DCLK1: variants seen among roughly 807,000 people sequenced by gnomAD.
DCLK1 encodes serine/threonine-protein kinase DCLK1.
Under a neutral mutation model 86.2 loss-of-function variants are expected in DCLK1, and 16 were observed. That is an observed-to-expected ratio of 0.19 (90% CI 0.13 to 0.28). DCLK1 has a LOEUF of 0.28. Among genes scored for constraint, DCLK1 ranks in the 10% least tolerant of loss-of-function variants. DCLK1 has a pLI of 1.00. For synonymous variants in DCLK1, 369 were observed against 370.5 expected (o/e 1.00, Z 0.05); for missense variants, 590 against 940.2 (o/e 0.63, Z 4.87).
At chr13:36,092,844 CCAAT>C (rs952079913) in intron 3 of DCLK1, among the ~76,000 whole-genome samples, 3 of 152,098 alleles carry the variant, frequency 2.0e-5, no homozygotes. Flanking sequence ...CTTCCCATAT[CCAAT>C]CAGTTACTAA....
chr13:35,818,956 TTACA>T (rs1306395204), intron 11 of DCLK1, among the ~76,000 whole-genome samples: 1 of 152,072 alleles, frequency 6.6e-6, no homozygotes, highest in Non-Finnish European at 1.5e-5. Context: ...TCAGTGAAGT[TTACA>T]CTGAGGCCAG....
rs151162537 is a variant in DCLK1 at position 35,931,960 on chromosome 13, C to A, written c.823+15398G>T. Among the ~76,000 whole-genome samples the A allele has an allele frequency of 9.9e-4, 151 of 152,236 alleles. 1 individual carries two copies. Among genetic ancestry groups the A allele is most frequent in the African/African-American group, 3.3e-3 (137 of 41,538 alleles). On this transcript the variant is annotated intron_variant, in intron 4 of 16. Transcript: ENST00000360631. The stretch of plus-strand genomic sequence containing the variant: ...TCAGTTTTAATTCCAACTCTGTTAC[C>A]CACTGGGTATGTAACTGTGATGGTT...
At chr13:35,844,245 T>C (rs1031777795) in intron 6 of DCLK1, among the ~76,000 whole-genome samples, 1 of 152,204 alleles carries the variant, frequency 6.6e-6, no homozygotes, top group Admixed American at 6.5e-5. Flanking sequence ...ATTTGGATAA[T>C]TTTTTCAAAA....
intron 3 of DCLK1, among the ~76,000 whole-genome samples, chr13:36,007,510 A>G (rs1881032162): frequency 6.6e-6 from 1 of 152,206 alleles, no homozygotes; most frequent in Non-Finnish European, 1.5e-5. Flanking sequence ...TGGGGTTGTG[A>G]GTAGAGATGA....
In DCLK1 at chr13:36,023,402, A is replaced by G. The variant is rs543364598; in HGVS notation, c.724-75945T>C. Among the ~76,000 whole-genome samples the G allele has an allele frequency of 1.1e-4, 16 of 152,284 alleles. No individual in the cohort carries two copies. The South Asian group carries it at 3.3e-3, about 32-fold the overall frequency. On this transcript the variant is annotated intron_variant, in intron 3 of 16. Transcript: ENST00000360631. ...TCCAAAGACCAGCAGAAAGAGACCC[A>G]GTATAGCCAACAGTGCAGATGAAGT...
At chr13:35,793,264 G>T (rs941505759) in intron 16 of DCLK1, 102 bp downstream of exon 16, 3 of 804,436 alleles carry the variant, frequency 3.7e-6, no homozygotes, top group Non-Finnish European at 5.9e-6. Flanking sequence ...CTAAAGAAAT[G>T]ACCCATTCTG....
chr13:36,076,726 G>A (rs768798004), intron 3 of DCLK1, among the ~76,000 whole-genome samples: 18 of 152,222 alleles, frequency 1.2e-4, no homozygotes, highest in Admixed American at 2.6e-4. Context: ...GATTGCACCC[G>A]CCACCTAGTA....
intron 15 of DCLK1, among the ~76,000 whole-genome samples, chr13:35,799,832 T>G (rs1206431580): frequency 6.6e-6 from 1 of 152,166 alleles, no homozygotes; most frequent in Non-Finnish European, 1.5e-5. Context: ...GTGGGGAAAG[T>G]GACTCAACCC....
intron 3 of DCLK1, among the ~76,000 whole-genome samples, chr13:36,021,984 T>A (rs1295210506): frequency 6.6e-6 from 1 of 152,018 alleles, no homozygotes; most frequent in African/African-American, 2.4e-5. Flanking sequence ...TTCTCCAGGA[T>A]AAACCATGTA....
intron 6 of DCLK1, chr13:35,848,625 T>A: frequency 1.0e-6 from 1 of 985,308 alleles, no homozygotes; most frequent in Non-Finnish European, 1.2e-6. Context: ...ATTGGCAATA[T>A]CTACCACTTA....
chr13:35,818,997 T>C (rs967296674), intron 11 of DCLK1, among the ~76,000 whole-genome samples: 8 of 152,046 alleles, frequency 5.3e-5, no homozygotes, highest in Non-Finnish European at 1.0e-4. Flanking sequence ...AACAGGCCAG[T>C]TGGGAATGTT....
chr13:35,929,466 C>T (rs1336665183), intron 4 of DCLK1, among the ~76,000 whole-genome samples: 1 of 152,166 alleles, frequency 6.6e-6, no homozygotes, highest in African/African-American at 2.4e-5. Flanking sequence ...GTCCCCACTG[C>T]CATATTGTTA....
intron 6 of DCLK1, among the ~76,000 whole-genome samples, chr13:35,843,236 TAC>T (rs1869942778): frequency 6.6e-6 from 1 of 152,170 alleles, no homozygotes; most frequent in Non-Finnish European, 1.5e-5. Flanking sequence ...GTACAAAACG[TAC>T]AGTTATTTTA....
chr13:35,827,606 A>G (rs750332001), intron 10 of DCLK1, 29 bp downstream of exon 10: 2 of 1,613,062 alleles, frequency 1.2e-6, no homozygotes, highest in East Asian at 4.5e-5. Context: ...GCCATCAATA[A>G]AGACTTACTT....
intron 3 of DCLK1, among the ~76,000 whole-genome samples, chr13:36,056,891 G>GCC (rs1883342043): frequency 2.5e-5 from 1 of 39,322 alleles, no homozygotes; most frequent in African/African-American, 9.9e-5. Flanking sequence ...GCAAGACTGT[G>GCC]ACAAAAAAAA....
chr13:35,893,741 T>A (rs1873782096), intron 4 of DCLK1, among the ~76,000 whole-genome samples: 1 of 152,228 alleles, frequency 6.6e-6, no homozygotes, highest in Admixed American at 6.5e-5. Context: ...AGGTATTCTG[T>A]GATGCTGCTG....
chr13:36,055,387 C>T (rs1316819118), intron 3 of DCLK1, among the ~76,000 whole-genome samples: 7 of 152,102 alleles, frequency 4.6e-5, no homozygotes, highest in African/African-American at 7.2e-5. Context: ...ATTAAAACAC[C>T]GGCAAGAGAA....
At chr13:36,030,075 C>T (rs1367183085) in intron 3 of DCLK1, among the ~76,000 whole-genome samples, 1 of 152,158 alleles carries the variant, frequency 6.6e-6, no homozygotes, top group Non-Finnish European at 1.5e-5. Flanking sequence ...GTTTTAGTTG[C>T]TTGAAAATAG....
At chr13:35,795,003 C>T (rs2086780018) in intron 15 of DCLK1, among the ~76,000 whole-genome samples, 2 of 152,236 alleles carry the variant, frequency 1.3e-5, no homozygotes, top group South Asian at 4.1e-4. Context: ...ACAAAACATG[C>T]ACACACTATG....
Sources: allele counts gnomAD v4.1 joint callset (sites outside exome capture counted in the v4.1 genomes callset), GRCh38; gene constraint gnomAD v4.1.1; transcripts MANE v1.5; gene names NCBI Gene and HGNC (gene_info 2026-07-23, HGNC 2026-07-21).